NFILZ: variants seen among roughly 807,000 people sequenced by gnomAD.
NFILZ encodes the protein NFIL3 like protein.
Position 8,680,299 on chromosome 19 carries a change from T to TTTCATTCATTCA in NFILZ, c.*2683_*2694dup, listed in dbSNP as rs57880553. 9.4e-3 allele frequency among the ~76,000 whole-genome samples: 1,385 copies of TTTCATTCATTCA among 147,948 alleles called. 22 individuals are homozygous for TTTCATTCATTCA. Among genetic ancestry groups the TTTCATTCATTCA allele is most frequent in the African/African-American group, 0.034 (1,305 of 38,322 alleles). Reference sequence around the variant, plus strand: ...GCTTGTGGCTCAGCTATAACAGCATTTTCATTCATTCATTCATTCATTCAT... The same window carrying TTTCATTCATTCA: ...GCTTGTGGCTCAGCTATAACAGCATTTTCATTCATTCATTCATTCATTCATTCATTCATTCAT... On this transcript the variant is annotated 3_prime_UTR_variant, in exon 6 of 6. Transcript: ENST00000691075.
intron 3 of NFILZ, among the ~76,000 whole-genome samples, chr19:8,656,478 C>A (rs1413055793): frequency 1.3e-5 from 1 of 76,016 alleles, no homozygotes; most frequent in Non-Finnish European, 2.6e-5. Context: ...CCCACCTTCT[C>A]CCGCAGCCCA....
intron 2 of NFILZ, among the ~76,000 whole-genome samples, chr19:8,634,157 C>G (rs1047027282): frequency 2.0e-5 from 3 of 151,878 alleles, no homozygotes; most frequent in Non-Finnish European, 4.4e-5. Context: ...GCTATCATGC[C>G]CAGCTGATTT....
At chr19:8,631,174 C>T (rs960834629) in intron 1 of NFILZ, among the ~76,000 whole-genome samples, 1 of 152,104 alleles carries the variant, frequency 6.6e-6, no homozygotes. Flanking sequence ...AAAGAGGGTG[C>T]CTGAATGGTG....
intron 3 of NFILZ, among the ~76,000 whole-genome samples, chr19:8,654,247 A>AACAAACAAACAAACAAAC (rs372870225): frequency 8.6e-5 from 13 of 151,230 alleles, no homozygotes; most frequent in African/African-American, 3.2e-4. Context: ...CAAACAAACA[A>AACAAACAAACAAACAAAC]AAACAAACAA....
chr19:8,663,738 G>GTGTGTGTGTGTGTA (rs2043045905), intron 3 of NFILZ, among the ~76,000 whole-genome samples: 1 of 23,924 alleles, frequency 4.2e-5, no homozygotes, highest in African/African-American at 2.6e-4. Context: ...GTGTGTGTGT[G>GTGTGTGTGTGTGTA]TGTGTGTGTG....
intron 3 of NFILZ, among the ~76,000 whole-genome samples, chr19:8,668,974 TCA>T (rs200424344): frequency 0.014 from 2,173 of 152,278 alleles, 58 homozygotes; most frequent in African/African-American, 0.049. Context: ...AGACAGAGTC[TCA>T]CTCTGTCACC....
At chr19:8,638,512 C>A (rs936707660) in intron 3 of NFILZ, 1 of 152,216 alleles carries the variant, frequency 6.6e-6, no homozygotes, top group Non-Finnish European at 1.5e-5. Context: ...ATTCATTCAA[C>A]AAATATTTAC....
At chr19:8,634,228 C>T (rs1291722960) in intron 2 of NFILZ, among the ~76,000 whole-genome samples, 1 of 151,998 alleles carries the variant, frequency 6.6e-6, no homozygotes, top group Non-Finnish European at 1.5e-5. Context: ...GAACCCCTGG[C>T]TTCAAGTGAT....
intron 3 of NFILZ, among the ~76,000 whole-genome samples, chr19:8,656,454 CCTTCTCTCTGAAG>C (rs2043001393): frequency 1.1e-5 from 1 of 87,994 alleles, no homozygotes; most frequent in African/African-American, 4.3e-5. Context: ...TCGAAGCCCA[CCTTCTCTCTGAAG>C]CCCACCTTCT....
intron 3 of NFILZ, among the ~76,000 whole-genome samples, chr19:8,660,536 C>T (rs1337463701): frequency 6.6e-6 from 1 of 151,170 alleles, no homozygotes; most frequent in Non-Finnish European, 1.5e-5. Context: ...CATTTCCTTC[C>T]TTCCTTCTTT....
intron 3 of NFILZ, among the ~76,000 whole-genome samples, chr19:8,644,757 T>C (rs1363047339): frequency 1.3e-5 from 2 of 148,766 alleles, no homozygotes; most frequent in South Asian, 2.2e-4. Context: ...TAAACCACCA[T>C]GTCCAGCCAG....
chr19:8,672,781 AC>A (rs781955433), intron 3 of NFILZ, among the ~76,000 whole-genome samples: 9 of 152,244 alleles, frequency 5.9e-5, no homozygotes, highest in Non-Finnish European at 1.2e-4. Context: ...TCCAATAAAT[AC>A]TTTTACAGGG....
rs1159019867 is a variant in NFILZ at position 8,647,770 on chromosome 19, C to T, written c.-164+12024C>T. Among the ~76,000 whole-genome samples the T allele has an allele frequency of 1.7e-4, 23 of 136,858 alleles. 1 individual carries two copies. The highest frequency in any genetic ancestry group is 3.9e-4 in the African/African-American group (13 of 33,544). 89.8% of individuals were successfully genotyped at this position (136,858 alleles called of 152,430 possible). A position where few individuals can be genotyped will look rare whatever the true frequency, so the allele number is the denominator to read the frequency against. ...AACAACACACACACACACACACACA[C>T]GCACACATGCGCGCGCGCGCGCGCG... On this transcript the variant is annotated intron_variant, in intron 3 of 5. Coordinates refer to ENST00000691075, the MANE Select transcript of NFILZ (RefSeq NM_001378600.1).
In NFILZ at chr19:8,656,477, TCCCGCAGCCCACCTTC is replaced by T. The variant is rs2043002362; in HGVS notation, c.-163-18073_-163-18058del. Among the ~76,000 whole-genome samples the T allele has an allele frequency of 4.1e-3, 140 of 34,334 alleles. 6 individuals are homozygous for T. The East Asian group carries it at 0.048, about 12-fold the overall frequency. 22.5% of individuals were successfully genotyped at this position (34,334 alleles called of 152,430 possible). On this transcript the variant is annotated intron_variant, in intron 3 of 5. Coordinates refer to ENST00000691075, the MANE Select transcript of NFILZ (RefSeq NM_001378600.1). ...CACCTTCTCTCTGAAGCCCACCTTCTCCCGCAGCCCACCTTCTCCCGCAGCCCACCTTCTCCTGCAG... is the reference window on the plus strand; with the variant it reads ...CACCTTCTCTCTGAAGCCCACCTTCTTCCCGCAGCCCACCTTCTCCTGCAG...
intron 3 of NFILZ, among the ~76,000 whole-genome samples, chr19:8,656,497 C>CTGAAGCCCACCTTCTCCT (rs1246521049): frequency 2.9e-5 from 2 of 68,452 alleles, no homozygotes; most frequent in Non-Finnish European, 5.9e-5. Flanking sequence ...CACCTTCTCC[C>CTGAAGCCCACCTTCTCCT]GCAGCCCACC....
chr19:8,647,080 G>A (rs189320643), intron 3 of NFILZ, among the ~76,000 whole-genome samples: 10 of 152,308 alleles, frequency 6.6e-5, no homozygotes, highest in African/African-American at 1.9e-4. Flanking sequence ...AGGATCAGAG[G>A]AGGCTATTAT....
intron 4 of NFILZ, among the ~76,000 whole-genome samples, 124 bp downstream of exon 4, chr19:8,674,724 AGT>A (rs1263083320): frequency 3.3e-5 from 5 of 152,106 alleles, no homozygotes; most frequent in African/African-American, 4.8e-5. Flanking sequence ...AGGTCCTTGG[AGT>A]GTTGCTATTT....
chr19:8,658,285 C>T (rs1311112234), intron 3 of NFILZ, among the ~76,000 whole-genome samples: 1 of 152,104 alleles, frequency 6.6e-6, no homozygotes, highest in Non-Finnish European at 1.5e-5. Context: ...CAGCTGCGGG[C>T]ACTTCCCCTA....
chr19:8,642,054 C>T (rs527560597), intron 3 of NFILZ, among the ~76,000 whole-genome samples: 1 of 152,202 alleles, frequency 6.6e-6, no homozygotes, highest in African/African-American at 2.4e-5. Context: ...GTTGGCCAGG[C>T]TGATCTTGAA....
Sources: gnomAD v4.1 joint callset for allele counts (sites outside exome capture counted in the v4.1 genomes callset) on GRCh38, gnomAD v4.1.1 for gene constraint, MANE v1.5 for transcripts, NCBI Gene and HGNC (gene_info 2026-07-23, HGNC 2026-07-21) for gene names.